PM20D2: variants seen among roughly 807,000 people sequenced by gnomAD.
PM20D2 encodes xaa-Arg dipeptidase.
In PM20D2, 33 loss-of-function variants were observed where a neutral mutation model predicts 42.9. That is an observed-to-expected ratio of 0.77 (90% CI 0.58 to 1.03). The LOEUF (loss-of-function observed/expected upper bound fraction) is 1.03, where lower values mean the gene tolerates loss of function less well. Ranked by LOEUF, PM20D2 falls within the 50% of genes least tolerant of loss-of-function variation. The probability of loss-of-function intolerance (pLI) is 0.00; values close to 1 mark genes in which losing one functional copy is unlikely to be tolerated. For missense variants in PM20D2, 548 were observed against 557.0 expected, an observed-to-expected ratio of 0.98 and a Z score of 0.16; for synonymous variants, 250 against 228.2, an observed-to-expected ratio of 1.10 and a Z score of -0.86.
the PM20D2 span, among the ~76,000 whole-genome samples, chr6:89,113,222 T>C: frequency 6.6e-6 from 1 of 152,202 alleles, no homozygotes; most frequent in African/African-American, 2.4e-5. Flanking sequence ...TCACCCAGGC[T>C]GGAGTGCAGT....
chr6:89,153,361 A>C lies in PM20D2; in HGVS notation c.757+176A>C, dbSNP rs562699141. 5.1e-4 allele frequency among the ~76,000 whole-genome samples: 78 copies of C among 152,288 alleles called. 1 individual carries two copies. Among genetic ancestry groups the C allele is most frequent in the African/African-American group, 1.8e-3 (76 of 41,570 alleles). ...TGACAGGATACTAAGATGTTTGTCT[A>C]TATAGGGTTAGAAAGACAGTTTTGA... is the stretch of plus-strand genomic sequence containing the variant. On this transcript the variant is annotated intron_variant, in intron 3 of 6. Coordinates refer to ENST00000275072, the MANE Select transcript of PM20D2 (RefSeq NM_001010853.3).
At chr6:89,133,063 G>T in the PM20D2 span, among the ~76,000 whole-genome samples, 2 of 149,828 alleles carry the variant, frequency 1.3e-5, 1 homozygote, top group African/African-American at 5.0e-5. Context: ...TTCTACCAAA[G>T]AAATTTTTTT....
At chr6:89,111,623 T>A in the PM20D2 span, among the ~76,000 whole-genome samples, 85 of 152,246 alleles carry the variant, frequency 5.6e-4, no homozygotes, top group African/African-American at 2.0e-3. Flanking sequence ...AATTTTTGTA[T>A]TTTATATCTT....
Position 89,154,848 on chromosome 6 carries a change from G to C in PM20D2, c.858G>C (p.Leu286Phe). ...RAPSMKELQVLTKKAEDCFRA... is the reference protein window; with the variant it reads ...RAPSMKELQVFTKKAEDCFRA... ...CCTCAATGAAAGAACTTCAAGTTTT[G>C]ACCAAAAAGGCAGAAGATTGCTTCA... The change falls in exon 4 of 7, where the codon TTG becomes TTC. Residue 286 changes from leucine (L) to phenylalanine (F), a missense_variant. Physicochemically the swap from Leu to Phe is conservative, Grantham distance 22 (BLOSUM62 0). Coordinates refer to ENST00000275072, the MANE Select transcript of PM20D2 (RefSeq NM_001010853.3). The C allele has an allele frequency of 6.2e-7, 1 of 1,608,972 alleles. No homozygotes were observed. The highest frequency in any genetic ancestry group is 8.5e-7 in the Non-Finnish European group (1 of 1,178,024).
At chr6:89,141,198 A>G (rs1176627986), upstream of PM20D2, among the ~76,000 whole-genome samples, 1 of 151,938 alleles carries the variant, frequency 6.6e-6, no homozygotes, top group East Asian at 1.9e-4. Context: ...TGGCTTTACC[A>G]TTCACTCAGC....
At chr6:89,152,163 C>T (rs1171870476) in intron 2 of PM20D2, among the ~76,000 whole-genome samples, 1 of 151,958 alleles carries the variant, frequency 6.6e-6, no homozygotes, top group East Asian at 1.9e-4. Flanking sequence ...ATACAGTATC[C>T]TGAAATCTAA....
the PM20D2 span, among the ~76,000 whole-genome samples, chr6:89,113,543 A>G: frequency 0.74 from 112,005 of 151,988 alleles, 41,351 homozygotes; most frequent in East Asian, 0.84. Context: ...TCCTGACCTC[A>G]AGTGATCCAC....
At chr6:89,139,983 G>A in the PM20D2 span, among the ~76,000 whole-genome samples, 43 of 152,266 alleles carry the variant, frequency 2.8e-4, no homozygotes, top group Admixed American at 3.3e-4. Context: ...TGGAGCAAAC[G>A]GAGAAGCTGC....
Position 89,155,032 on chromosome 6 carries a change from T to G in PM20D2, c.912+130T>G, listed in dbSNP as rs936434667. The G allele has an allele frequency of 2.5e-5, 20 of 796,676 alleles. No individual in the cohort carries two copies. The East Asian group carries it at 6.3e-4, about 25-fold the overall frequency. 49.4% of individuals were successfully genotyped at this position (796,676 alleles called of 1,614,324 possible). On this transcript the variant is annotated intron_variant, in intron 4 of 6. Transcript: ENST00000275072. ...GAATATGCAAAATGAATTGGCTGAA[T>G]AGTTAATGTGAAAGTCTTTAATTTT...
At chr6:89,095,361 C>T in the PM20D2 span, among the ~76,000 whole-genome samples, 6 of 152,104 alleles carry the variant, frequency 3.9e-5, no homozygotes, top group African/African-American at 7.2e-5. Flanking sequence ...GAGTAGCATG[C>T]GCCACCACGC....
the PM20D2 span, among the ~76,000 whole-genome samples, chr6:89,119,673 C>G: frequency 7.2e-5 from 11 of 152,316 alleles, 1 homozygote; most frequent in Admixed American, 3.9e-4. Flanking sequence ...GCAGGGCCAT[C>G]ATCTATCTGA....
At chr6:89,112,687 C>T in the PM20D2 span, among the ~76,000 whole-genome samples, 3 of 151,998 alleles carry the variant, frequency 2.0e-5, no homozygotes, top group African/African-American at 7.2e-5. Context: ...ACTGGGATTA[C>T]AAGCATAAGC....
chr6:89,115,304 CAG>C, the PM20D2 span, among the ~76,000 whole-genome samples: 5 of 152,038 alleles, frequency 3.3e-5, no homozygotes, highest in Admixed American at 2.0e-4. Flanking sequence ...TTTTTTGAGA[CAG>C]AGTCTCACTC....
chr6:89,104,423 A>G, the PM20D2 span, among the ~76,000 whole-genome samples: 1 of 151,740 alleles, frequency 6.6e-6, no homozygotes, highest in Admixed American at 6.6e-5. Flanking sequence ...TTTTTAGTAG[A>G]GGCGGGGTTT....
At chr6:89,121,821 A>G in the PM20D2 span, among the ~76,000 whole-genome samples, 1 of 152,214 alleles carries the variant, frequency 6.6e-6, no homozygotes, top group Non-Finnish European at 1.5e-5. Context: ...ACATTTAAAA[A>G]ATTATGATCA....
chr6:89,143,434 A>C (rs184108538), upstream of PM20D2, among the ~76,000 whole-genome samples: 80 of 152,264 alleles, frequency 5.3e-4, 1 homozygote, highest in Admixed American at 5.2e-3. Context: ...AGGAATCTTT[A>C]TATATTTTTT....
At chr6:89,099,072 A>T in the PM20D2 span, 1 of 1,192,600 alleles carries the variant, frequency 8.4e-7, no homozygotes, top group Non-Finnish European at 1.1e-6. Flanking sequence ...AGCTAAAAAA[A>T]TTTCTCATTT....
At chr6:89,096,179 A>G in the PM20D2 span, 1 of 152,160 alleles carries the variant, frequency 6.6e-6, no homozygotes, top group Non-Finnish European at 1.5e-5. Context: ...CTTTCTAAAC[A>G]TGATTTTAAT....
chr6:89,139,314 A>G, the PM20D2 span, among the ~76,000 whole-genome samples: 5 of 152,238 alleles, frequency 3.3e-5, no homozygotes, highest in East Asian at 1.9e-4. Context: ...GCCTCAGGCA[A>G]TCTTCCTGCC....
Sources: gnomAD v4.1 joint callset for allele counts (sites outside exome capture counted in the v4.1 genomes callset) on GRCh38, gnomAD v4.1.1 for gene constraint, MANE v1.5 for transcripts, NCBI Gene and HGNC (gene_info 2026-07-23, HGNC 2026-07-21) for gene names.